GOLPH3L: variants seen among roughly 807,000 people sequenced by gnomAD.
GOLPH3L encodes golgi phosphoprotein 3 like, also known as Golgi phosphoprotein 3-like.
Under a neutral mutation model 30.3 loss-of-function variants are expected in GOLPH3L, and 22 were observed. That is an observed-to-expected ratio of 0.73 (90% CI 0.52 to 1.04). The LOEUF (loss-of-function observed/expected upper bound fraction) is 1.04. Among genes scored for constraint, GOLPH3L ranks in the 50% least tolerant of loss-of-function variants. The pLI, the probability that GOLPH3L is intolerant of heterozygous loss-of-function variation, is 0.00. For missense variants in GOLPH3L, 303 were observed against 345.8 expected (o/e 0.88, Z 0.98); for synonymous variants, 120 against 128.2 (o/e 0.94, Z 0.43).
chr1:150,654,070 T>A (rs587770655), intron 4 of GOLPH3L, among the ~76,000 whole-genome samples: 6 of 151,896 alleles, frequency 4.0e-5, no homozygotes, highest in Admixed American at 3.9e-4. Flanking sequence ...GCCACAACTG[T>A]CTTAAAGATG....
chr1:150,661,864 T>C lies in GOLPH3L; in HGVS notation c.380A>G (p.Lys127Arg). The stretch of plus-strand genomic sequence containing the variant: ...GACAGTTTCTGTGGGTTCAGTTGCT[T>C]TGATGTGTTTCAGAGTTTCATCCAG... ...VLLDETLKHI[K>R]ATEPTETVQT... Residue 127 changes from lysine (K) to arginine (R), a missense_variant, in exon 4 of 5, where the codon AAA (lysine) becomes AGA (arginine). Coordinates refer to ENST00000271732, the MANE Select transcript of GOLPH3L (RefSeq NM_018178.6). 1 of 1,600,094 alleles carries C rather than the reference T, an allele frequency of 6.2e-7. No homozygotes were observed. Among genetic ancestry groups the C allele is most frequent in the Non-Finnish European group, 8.6e-7 (1 of 1,167,174 alleles).
intron 2 of GOLPH3L, among the ~76,000 whole-genome samples, chr1:150,683,654 C>T (rs939884838): frequency 7.0e-5 from 9 of 129,476 alleles, no homozygotes; most frequent in Middle Eastern, 4.2e-3. Context: ...GAGCCAAGAT[C>T]ACGCTGCTGC....
intron 1 of GOLPH3L, among the ~76,000 whole-genome samples, chr1:150,696,684 A>T (rs1651363500): frequency 6.6e-6 from 1 of 151,882 alleles, no homozygotes; most frequent in African/African-American, 2.4e-5. Flanking sequence ...GTGAAGGAGG[A>T]AGAGAACCAT....
chr1:150,687,245 A>G (rs1467878712), intron 2 of GOLPH3L, among the ~76,000 whole-genome samples: 2 of 152,070 alleles, frequency 1.3e-5, no homozygotes, highest in Non-Finnish European at 2.9e-5. Context: ...ATAGCCAATA[A>G]TCAACAAGTT....
chr1:150,690,618 C>A (rs977456399), intron 2 of GOLPH3L, among the ~76,000 whole-genome samples: 3 of 152,100 alleles, frequency 2.0e-5, no homozygotes, highest in South Asian at 2.1e-4. Context: ...TGGTCCAAAT[C>A]GAATTTACTG....
At chr1:150,687,441 T>C (rs1651110426) in intron 2 of GOLPH3L, among the ~76,000 whole-genome samples, 1 of 151,858 alleles carries the variant, frequency 6.6e-6, no homozygotes, top group East Asian at 1.9e-4. Flanking sequence ...TAGCCGGGCG[T>C]GGTGGTGCAT....
chr1:150,679,245 T>C (rs977173955), intron 2 of GOLPH3L, among the ~76,000 whole-genome samples: 4 of 152,206 alleles, frequency 2.6e-5, no homozygotes, highest in African/African-American at 9.7e-5. Context: ...GTATTATGTC[T>C]GCAGTATTCT....
chr1:150,693,007 G>A (rs956404758), intron 2 of GOLPH3L, among the ~76,000 whole-genome samples: 3 of 152,094 alleles, frequency 2.0e-5, no homozygotes, highest in Admixed American at 6.5e-5. Context: ...GTCCTATTCT[G>A]ACATTCTCTT....
At chr1:150,693,840 T>TATATATATACAC (rs1651273090) in intron 2 of GOLPH3L, among the ~76,000 whole-genome samples, 2 of 79,188 alleles carry the variant, frequency 2.5e-5, no homozygotes, top group East Asian at 7.1e-4. Flanking sequence ...TATATATATA[T>TATATATATACAC]ATATATATTT....
At chr1:150,681,145 T>G (rs1650937942) in intron 2 of GOLPH3L, among the ~76,000 whole-genome samples, 1 of 152,002 alleles carries the variant, frequency 6.6e-6, no homozygotes, top group African/African-American at 2.4e-5. Flanking sequence ...CTCAAAAAAA[T>G]AAGTTTTTAA....
At chr1:150,681,508 G>A (rs1650946670) in intron 2 of GOLPH3L, among the ~76,000 whole-genome samples, 2 of 152,102 alleles carry the variant, frequency 1.3e-5, no homozygotes, top group African/African-American at 2.4e-5. Flanking sequence ...GGACTGGAGT[G>A]GTAAGTAGAC....
Position 150,652,380 on chromosome 1 carries a change from C to CA in GOLPH3L, c.431-3633dup, listed in dbSNP as rs34446972. Among the ~76,000 whole-genome samples the CA allele has an allele frequency of 4.1e-3, 166 of 40,184 alleles. 36 individuals carry two copies. The highest frequency in any genetic ancestry group is 0.02 in the African/African-American group (150 of 7,336). The allele number at this position is 40,184 out of a possible 152,430, so 26.4% of individuals were successfully genotyped here. A position where few individuals can be genotyped will look rare whatever the true frequency, so the allele number is the denominator to read the frequency against. On this transcript the variant is annotated intron_variant, in intron 4 of 4. Coordinates refer to ENST00000271732, the MANE Select transcript of GOLPH3L (RefSeq NM_018178.6). ...TGGGTGACAGAGTGAGACTCTGTCT[C>CA]AAAAAAAAAAAAAAAAAAAAAAAAA...
chr1:150,660,397 A>G (rs1650341105), intron 4 of GOLPH3L, among the ~76,000 whole-genome samples: 1 of 152,228 alleles, frequency 6.6e-6, no homozygotes, highest in Admixed American at 6.5e-5. Flanking sequence ...GTTAAACATA[A>G]AACTGCTATA....
At chr1:150,649,888 T>G (rs1173868317) in intron 4 of GOLPH3L, among the ~76,000 whole-genome samples, 1 of 152,006 alleles carries the variant, frequency 6.6e-6, no homozygotes, top group Non-Finnish European at 1.5e-5. Context: ...TCCCAGCTAC[T>G]TGGAGGCTTA....
chr1:150,673,048 G>T (rs985087069), intron 2 of GOLPH3L, among the ~76,000 whole-genome samples: 1 of 151,782 alleles, frequency 6.6e-6, no homozygotes, highest in Admixed American at 6.6e-5. Context: ...ATGCTAATGC[G>T]TTGTCAGTGA....
At chr1:150,670,572 G>T (rs1374025848) in intron 2 of GOLPH3L, among the ~76,000 whole-genome samples, 1 of 152,132 alleles carries the variant, frequency 6.6e-6, no homozygotes, top group African/African-American at 2.4e-5. Context: ...ACTCCAGCCT[G>T]GGCTACAGAG....
Position 150,648,542 on chromosome 1 carries a change from T to C in GOLPH3L, c.637A>G (p.Asn213Asp). Reference protein sequence around the residue: ...LQDSVLERWVNDPQRMDKRTL... With the variant: ...LQDSVLERWVDDPQRMDKRTL... Reference sequence around the variant, plus strand: ...CGCTTGTCCATACGCTGAGGGTCATTTACCCACCGCTCTAGTACACTATCT... The same window carrying C: ...CGCTTGTCCATACGCTGAGGGTCATCTACCCACCGCTCTAGTACACTATCT... The change falls in exon 5 of 5, where the codon AAT becomes GAT. Residue 213 changes from asparagine to aspartate, a missense_variant. Physicochemically the swap from Asn to Asp is conservative, Grantham distance 23 (BLOSUM62 1). Transcript: ENST00000271732. The C allele has an allele frequency of 6.2e-7, 1 of 1,613,980 alleles. No individual in the cohort carries two copies. The highest frequency in any genetic ancestry group is 8.5e-7 in the Non-Finnish European group (1 of 1,179,854).
chr1:150,660,777 G>A (rs965280648), intron 4 of GOLPH3L, among the ~76,000 whole-genome samples: 1 of 152,132 alleles, frequency 6.6e-6, no homozygotes, highest in East Asian at 1.9e-4. Flanking sequence ...CCAGGGACTG[G>A]GGGGAGAGAG....
At chr1:150,651,471 G>A (rs1220555458) in intron 4 of GOLPH3L, among the ~76,000 whole-genome samples, 1 of 151,748 alleles carries the variant, frequency 6.6e-6, no homozygotes, top group East Asian at 1.9e-4. Flanking sequence ...CCAATATGGT[G>A]AAACCCTGTC....
Sources: gnomAD v4.1 joint callset for allele counts (sites outside exome capture counted in the v4.1 genomes callset) on GRCh38, gnomAD v4.1.1 for gene constraint, MANE v1.5 for transcripts, NCBI Gene and HGNC (gene_info 2026-07-23, HGNC 2026-07-21) for gene names.